TRIM49C: variants seen among roughly 807,000 people sequenced by gnomAD.
The protein encoded by TRIM49C is tripartite motif containing 49C.
TRIM49C carries 6 observed loss-of-function variants against 21.4 expected under a neutral mutation model. That is an observed-to-expected ratio of 0.28 (90% confidence interval 0.15 to 0.55). TRIM49C has a LOEUF of 0.55. Ranked by LOEUF, TRIM49C falls within the 20% of genes least tolerant of loss-of-function variation. The probability of loss-of-function intolerance (pLI) is 0.94; values close to 1 mark genes in which losing one functional copy is unlikely to be tolerated. For missense variants in TRIM49C, 161 were observed against 442.4 expected (o/e 0.36, Z 5.71); for synonymous variants, 57 against 148.1 (o/e 0.38, Z 4.47).
chr11:90,031,459 T>TA (rs4002079), intron 1 of TRIM49C, among the ~76,000 whole-genome samples: 3 of 127,164 alleles, frequency 2.4e-5, no homozygotes, highest in Admixed American at 9.2e-5. Flanking sequence ...ATCTCTTTTT[T>TA]AAAAAAAATA....
chr11:90,038,820 T>C (rs1950745878), intron 6 of TRIM49C, 105 bp downstream of exon 6: 3 of 440,340 alleles, frequency 6.8e-6, no homozygotes, highest in South Asian at 6.6e-5. Flanking sequence ...TTGATACCAC[T>C]TTTTTTTGCA....
At chr11:90,065,582 C>T in the TRIM49C span, among the ~76,000 whole-genome samples, 1 of 140,644 alleles carries the variant, frequency 7.1e-6, no homozygotes, top group East Asian at 2.2e-4. Flanking sequence ...GTATTGAAAA[C>T]CAGACTTGAG....
At chr11:90,043,598 A>C (rs1214990449), downstream of TRIM49C, among the ~76,000 whole-genome samples, 2 of 119,594 alleles carry the variant, frequency 1.7e-5, 1 homozygote, top group Non-Finnish European at 3.4e-5. Context: ...AAGTATTTTT[A>C]TTAGAGTAAG....
the TRIM49C span, chr11:90,071,915 T>A: frequency 2.2e-6 from 1 of 463,770 alleles, no homozygotes; most frequent in Non-Finnish European, 3.9e-6. Flanking sequence ...GAATAGGTAT[T>A]TACATTTATA....
intron 2 of TRIM49C, among the ~76,000 whole-genome samples, chr11:90,034,292 CAT>C (rs1394760594): frequency 1.8e-5 from 2 of 110,584 alleles, no homozygotes; most frequent in Non-Finnish European, 3.5e-5. Flanking sequence ...CACCAGCTCA[CAT>C]GTCTCTCTCC....
At chr11:90,066,852 C>T in the TRIM49C span, among the ~76,000 whole-genome samples, 2 of 137,756 alleles carry the variant, frequency 1.5e-5, no homozygotes, top group Non-Finnish European at 3.1e-5. Context: ...ACTGCAACCT[C>T]TGCCTCCGAG....
chr11:90,060,462 TAAG>T, the TRIM49C span, among the ~76,000 whole-genome samples: 1 of 152,240 alleles, frequency 6.6e-6, no homozygotes, highest in Admixed American at 6.5e-5. Flanking sequence ...CAGTGGGCAT[TAAG>T]AAGAAAGGAG....
chr11:90,063,080 T>C, the TRIM49C span: 5 of 1,275,560 alleles, frequency 3.9e-6, 1 homozygote, highest in Non-Finnish European at 5.2e-6. Context: ...AAAAGGCCGG[T>C]GGACAATTTT....
At chr11:90,053,915 T>TA in the TRIM49C span, among the ~76,000 whole-genome samples, 1 of 144,540 alleles carries the variant, frequency 6.9e-6, no homozygotes, top group African/African-American at 2.5e-5. Context: ...AGGACATTGA[T>TA]AAAATCACTT....
At chr11:90,043,794 A>T (rs1396778693), downstream of TRIM49C, among the ~76,000 whole-genome samples, 3 of 119,852 alleles carry the variant, frequency 2.5e-5, 1 homozygote, top group African/African-American at 1.0e-4. Flanking sequence ...TTTTTTTATT[A>T]TACTTTAAGT....
the TRIM49C span, among the ~76,000 whole-genome samples, chr11:90,049,234 G>A: frequency 4.7e-4 from 55 of 116,138 alleles, 10 homozygotes; most frequent in African/African-American, 1.7e-3. Context: ...CAGTCTGTCC[G>A]TTCTCAGATC....
At chr11:90,061,833 C>A in the TRIM49C span, 1 of 290,694 alleles carries the variant, frequency 3.4e-6, no homozygotes, top group East Asian at 9.6e-5. Flanking sequence ...CCTGTTATAT[C>A]AATTGAAATC....
the TRIM49C span, among the ~76,000 whole-genome samples, chr11:90,057,417 AT>A: frequency 9.9e-6 from 1 of 101,190 alleles, no homozygotes; most frequent in Non-Finnish European, 1.8e-5. Context: ...TTCCACAATA[AT>A]TTATTAATTA....
intron 1 of TRIM49C, among the ~76,000 whole-genome samples, chr11:90,032,012 A>G (rs1950691405): frequency 7.3e-6 from 1 of 136,712 alleles, no homozygotes; most frequent in Non-Finnish European, 1.6e-5. Flanking sequence ...GTGTGAGCCT[A>G]AAGTCTTAGC....
chr11:90,031,907 C>G lies in TRIM49C; in HGVS notation c.-190-490C>G, dbSNP rs1488183456. Among the ~76,000 whole-genome samples, 4 of 135,522 alleles carry G rather than the reference C, an allele frequency of 3.0e-5. 1 individual carries two copies. Among genetic ancestry groups the G allele is most frequent in the African/African-American group, 1.0e-4 (4 of 38,140 alleles). 88.9% of individuals were successfully genotyped at this position (135,522 alleles called of 152,430 possible). A position where few individuals can be genotyped will look rare whatever the true frequency, so the allele number is the denominator to read the frequency against. ...CTTTGGAAGGCCGAGACCAGAGGACCACTTGAAGCCAGGAGCTGGAGAACA... is the reference window on the plus strand; with the variant it reads ...CTTTGGAAGGCCGAGACCAGAGGACGACTTGAAGCCAGGAGCTGGAGAACA... On this transcript the variant is annotated intron_variant, in intron 1 of 7. Coordinates refer to ENST00000448984, the MANE Select transcript of TRIM49C (RefSeq NM_001195234.1).
rs539398430 is a variant in TRIM49C at position 90,031,683 on chromosome 11, G to A, written c.-191+439G>A. ...TAACTCATCTTTCACCCATGAGACT[G>A]GTGAAGTTTTGTAAATTCAATGAGA... On this transcript the variant is annotated intron_variant, in intron 1 of 7. Coordinates refer to ENST00000448984, the MANE Select transcript of TRIM49C (RefSeq NM_001195234.1). 1.5e-4 allele frequency among the ~76,000 whole-genome samples: 23 copies of A among 151,586 alleles called. 1 individual carries two copies. The East Asian group carries it at 2.7e-3, about 18-fold the overall frequency.
the TRIM49C span, among the ~76,000 whole-genome samples, chr11:90,048,420 G>T: frequency 1.6e-5 from 2 of 122,420 alleles, 1 homozygote; most frequent in Admixed American, 1.8e-4. Context: ...ACACAGATTT[G>T]GTCTTTTCAC....
the TRIM49C span, chr11:90,049,943 A>T: frequency 4.0e-5 from 5 of 123,590 alleles, 1 homozygote; most frequent in African/African-American, 1.6e-4. Flanking sequence ...CATGGCGGAA[A>T]CAGGAAGGAA....
chr11:90,064,585 G>T, the TRIM49C span, among the ~76,000 whole-genome samples: 2 of 137,388 alleles, frequency 1.5e-5, no homozygotes, highest in African/African-American at 2.6e-5. Flanking sequence ...TTTTTTTTTG[G>T]TTGTTGTTGT....
Sources: gnomAD v4.1 joint callset for allele counts (sites outside exome capture counted in the v4.1 genomes callset) on GRCh38, gnomAD v4.1.1 for gene constraint, MANE v1.5 for transcripts, NCBI Gene and HGNC (gene_info 2026-07-23, HGNC 2026-07-21) for gene names.